The following FBXL7 variants were observed in gnomAD, a reference collection of about 807,000 sequenced individuals.
FBXL7 encodes the protein F-box/LRR-repeat protein 7.
FBXL7 carries 12 observed loss-of-function variants against 38.3 expected under a neutral mutation model. The ratio of observed to expected loss-of-function variants is 0.31; its 90% CI spans 0.20 to 0.51. The LOEUF (loss-of-function observed/expected upper bound fraction) is 0.51. Ranked by LOEUF, FBXL7 falls within the 20% of genes least tolerant of loss-of-function variation. The pLI is 0.98. For missense variants in FBXL7, 567 were observed against 676.4 expected (o/e 0.84, Z 1.79); for synonymous variants, 297 against 300.9 (o/e 0.99, Z 0.13).
chr5:15,764,027 C>T (rs538199294), intron 2 of FBXL7, among the ~76,000 whole-genome samples: 10 of 152,284 alleles, frequency 6.6e-5, no homozygotes, highest in Middle Eastern at 3.4e-3. Flanking sequence ...AGCCCCAGAG[C>T]CTGAAGGCTC....
At chr5:15,767,835 C>T (rs1736628461) in intron 2 of FBXL7, among the ~76,000 whole-genome samples, 1 of 152,076 alleles carries the variant, frequency 6.6e-6, no homozygotes, top group East Asian at 1.9e-4. Flanking sequence ...TTTAAATAAA[C>T]TTCATGATTG....
At chr5:15,759,686 A>G (rs936134874) in intron 2 of FBXL7, among the ~76,000 whole-genome samples, 5 of 152,340 alleles carry the variant, frequency 3.3e-5, no homozygotes, top group African/African-American at 1.2e-4. Flanking sequence ...ATTAATTTCA[A>G]TAGATGTTCA....
At chr5:15,664,120 C>G (rs1742188118) in intron 2 of FBXL7, among the ~76,000 whole-genome samples, 1 of 151,984 alleles carries the variant, frequency 6.6e-6, no homozygotes, top group African/African-American at 2.4e-5. Flanking sequence ...AGTTATATCT[C>G]TTAGAAATTT....
intron 2 of FBXL7, among the ~76,000 whole-genome samples, chr5:15,622,970 G>T (rs928061451): frequency 6.6e-6 from 1 of 152,150 alleles, no homozygotes; most frequent in Non-Finnish European, 1.5e-5. Flanking sequence ...TTCCCAAAGT[G>T]CTGGGATTAC....
intron 2 of FBXL7, among the ~76,000 whole-genome samples, chr5:15,835,944 T>G (rs984842899): frequency 3.3e-5 from 5 of 152,182 alleles, no homozygotes; most frequent in African/African-American, 1.2e-4. Flanking sequence ...GGGCAGGATT[T>G]TAGACACAGG....
At chr5:15,935,181 G>C (rs775089891) in intron 3 of FBXL7, 16 of 534,614 alleles carry the variant, frequency 3.0e-5, no homozygotes, top group Admixed American at 2.1e-4. Flanking sequence ...AGAGCCCCGG[G>C]GTGCAGATCC....
intron 2 of FBXL7, among the ~76,000 whole-genome samples, chr5:15,736,179 T>C (rs886361663): frequency 6.6e-6 from 1 of 152,250 alleles, no homozygotes; most frequent in African/African-American, 2.4e-5. Context: ...ACCCTTTTTC[T>C]TGAGCTCTAA....
At chr5:15,802,578 A>G (rs1049840091) in intron 2 of FBXL7, among the ~76,000 whole-genome samples, 15 of 151,598 alleles carry the variant, frequency 9.9e-5, no homozygotes, top group Admixed American at 6.6e-5. Context: ...CTCAGCTTAA[A>G]TGTCATCTCC....
In FBXL7 at chr5:15,937,983, A is replaced by T. The variant is rs1742247539; in HGVS notation, c.*797A>T. 1 of 152,266 alleles carries T rather than the reference A, an allele frequency of 6.6e-6. No homozygotes were observed. The highest frequency in any genetic ancestry group is 6.5e-5 in the Admixed American group (1 of 15,274). The allele number at this position is 152,266 out of a possible 1,614,324, so 9.4% of individuals were successfully genotyped here. A position where few individuals can be genotyped will look rare whatever the true frequency, so the allele number is the denominator to read the frequency against. ...CCAGGCATCGACCTCTTCCAGGAGA[A>T]CTGATTCTGTGGATGGATGTGATTT... On this transcript the variant is annotated 3_prime_UTR_variant, in exon 4 of 4. Coordinates refer to ENST00000504595, the MANE Select transcript of FBXL7 (RefSeq NM_012304.5).
In FBXL7 at chr5:15,936,831, A is replaced by G; in HGVS notation, c.1121A>G (p.Tyr374Cys). 2 of 1,613,616 alleles carry G rather than the reference A, an allele frequency of 1.2e-6. No homozygotes were observed. Among genetic ancestry groups the G allele is most frequent in the Non-Finnish European group, 1.7e-6 (2 of 1,179,760 alleles). The change falls in exon 4 of 4, where the codon TAC becomes TGC. Residue 374 changes from tyrosine (Y) to cysteine (C), a missense_variant. Coordinates refer to ENST00000504595, the MANE Select transcript of FBXL7 (RefSeq NM_012304.5). The surrounding 1 kb of genome is among the most constrained non-coding windows in gnomAD (Gnocchi z 6.0). ...GTGGGCATCCGCTACGTGGCCAAGTACTGCAGCAAGCTGCGCTACCTCAAC... is the reference window on the plus strand; with the variant it reads ...GTGGGCATCCGCTACGTGGCCAAGTGCTGCAGCAAGCTGCGCTACCTCAAC... ...TDVGIRYVAK[Y>C]CSKLRYLNAR... is the part of the protein sequence containing the mutation.
At position 15,938,913 on chromosome 5, in the gene FBXL7, T is replaced by C. The variant is rs2126479210; in HGVS notation, c.*1727T>C. 1 of 398,898 alleles carries C rather than the reference T, an allele frequency of 2.5e-6. No individual in the cohort carries two copies. The highest frequency in any genetic ancestry group is 1.3e-4 in the South Asian group (1 of 7,820). 24.7% of individuals were successfully genotyped at this position (398,898 alleles called of 1,614,324 possible). A position where few individuals can be genotyped will look rare whatever the true frequency, so the allele number is the denominator to read the frequency against. On this transcript the variant is annotated 3_prime_UTR_variant, in exon 4 of 4. Coordinates refer to ENST00000504595, the MANE Select transcript of FBXL7 (RefSeq NM_012304.5). ...ATTCTCTAGCCAAGCCCCACCTTTGTTACGTTGAAATCCCTCATTTATTTT... is the reference window on the plus strand; with the variant it reads ...ATTCTCTAGCCAAGCCCCACCTTTGCTACGTTGAAATCCCTCATTTATTTT...
At chr5:15,753,484 C>T (rs1036687168) in intron 2 of FBXL7, among the ~76,000 whole-genome samples, 2 of 152,112 alleles carry the variant, frequency 1.3e-5, no homozygotes, top group African/African-American at 4.8e-5. Context: ...AGTTTAAAAG[C>T]CCTCATCATT....
intron 2 of FBXL7, among the ~76,000 whole-genome samples, chr5:15,769,624 T>C (rs1446338702): frequency 2.0e-5 from 3 of 152,124 alleles, no homozygotes; most frequent in African/African-American, 7.2e-5. Flanking sequence ...GTGGTAACTA[T>C]ATCAAAATAA....
Position 15,503,100 on chromosome 5 carries a change from T to C in FBXL7, c.37+2387T>C, listed in dbSNP as rs188667069. ...AACCTAACTTAATAGCTAGGCAAGA[T>C]TGAAAACCTTAGGCTTATGTACCTG... On this transcript the variant is annotated intron_variant, in intron 1 of 3. Transcript: ENST00000504595. 1.1e-4 allele frequency among the ~76,000 whole-genome samples: 17 copies of C among 152,228 alleles called. No homozygotes were observed. In the East Asian group the frequency reaches 2.1e-3, roughly 19 times the overall value.
At chr5:15,589,988 ACT>A (rs1739423007) in intron 1 of FBXL7, among the ~76,000 whole-genome samples, 1 of 152,158 alleles carries the variant, frequency 6.6e-6, no homozygotes. Flanking sequence ...GAAGGTTGGG[ACT>A]TCATTCACCA....
At chr5:15,873,912 T>G (rs997754104) in intron 2 of FBXL7, among the ~76,000 whole-genome samples, 27 of 152,126 alleles carry the variant, frequency 1.8e-4, no homozygotes, top group African/African-American at 6.3e-4. Context: ...CCTAACTCAT[T>G]TTTTATGAGG....
At chr5:15,634,505 T>TTGG (rs1741114172) in intron 2 of FBXL7, among the ~76,000 whole-genome samples, 1 of 143,806 alleles carries the variant, frequency 7.0e-6, no homozygotes, top group South Asian at 2.3e-4. Flanking sequence ...TATTTTTAGT[T>TTGG]GGGGGGGGGG....
chr5:15,842,064 A>G (rs190298231), intron 2 of FBXL7, among the ~76,000 whole-genome samples: 2 of 152,256 alleles, frequency 1.3e-5, no homozygotes, highest in African/African-American at 4.8e-5. Context: ...ATCCTCCAGA[A>G]CCCAGAGTGG....
intron 2 of FBXL7, among the ~76,000 whole-genome samples, chr5:15,781,134 A>G (rs895937077): frequency 2.6e-5 from 4 of 152,190 alleles, no homozygotes; most frequent in Admixed American, 6.6e-5. Flanking sequence ...GACAGAGGAC[A>G]TGAGGATGGA....
Sources: gnomAD v4.1 joint callset for allele counts (sites outside exome capture counted in the v4.1 genomes callset) on GRCh38, gnomAD v4.1.1 for gene constraint, Gnocchi (gnomAD v3.1) non-coding constraint, MANE v1.5 for transcripts, NCBI Gene and HGNC (gene_info 2026-07-23, HGNC 2026-07-21) for gene names.